RGS3: variants seen among roughly 807,000 people sequenced by gnomAD.
RGS3 encodes the protein regulator of G-protein signalling 3.
A neutral mutation model predicts 132.6 loss-of-function variants in RGS3; 80 were observed. That is an observed-to-expected ratio of 0.60 (90% CI 0.50 to 0.73). The LOEUF is 0.73. Ranked by LOEUF, RGS3 falls within the 30% of genes least tolerant of loss-of-function variation. The probability of loss-of-function intolerance (pLI) is 0.00; values close to 1 mark genes in which losing one functional copy is unlikely to be tolerated. For synonymous variants in RGS3, 598 were observed against 620.6 expected (o/e 0.96, Z 0.54); for missense variants, 1,382 against 1,530.8 (o/e 0.90, Z 1.62).
chr9:113,516,206 T>C (rs1373895317), intron 15 of RGS3, among the ~76,000 whole-genome samples: 1 of 152,210 alleles, frequency 6.6e-6, no homozygotes, highest in African/African-American at 2.4e-5. Flanking sequence ...AGGCACACTT[T>C]GTTAGGATGC....
intron 5 of RGS3, among the ~76,000 whole-genome samples, 182 bp from the exon 4 acceptor site, chr9:113,483,956 T>C (rs1433092456): frequency 2.6e-5 from 4 of 152,124 alleles, no homozygotes; most frequent in Non-Finnish European, 4.4e-5. Flanking sequence ...CTGCCTCCAA[T>C]GTCTCTTGCC....
At chr9:113,586,196 G>T (rs1333468637) in intron 20 of RGS3, among the ~76,000 whole-genome samples, 2 of 152,166 alleles carry the variant, frequency 1.3e-5, no homozygotes, top group Non-Finnish European at 2.9e-5. Flanking sequence ...CCAAGGCAAG[G>T]CCTCAGGCTC....
intron 19 of RGS3, among the ~76,000 whole-genome samples, chr9:113,553,780 T>C (rs1564563087): frequency 6.6e-6 from 1 of 150,922 alleles, no homozygotes; most frequent in Non-Finnish European, 1.5e-5. Flanking sequence ...GAGACGGAGG[T>C]TGCAATGAGC....
At position 113,565,913 on chromosome 9, in the gene RGS3, G is replaced by GTGTGTCTGTC. The variant is rs1381769881; in HGVS notation, c.2038-17534_2038-17533insGTCTGTCTGT. Among the ~76,000 whole-genome samples the GTGTGTCTGTC allele has an allele frequency of 7.4e-4, 107 of 144,504 alleles. 1 individual carries two copies. The highest frequency in any genetic ancestry group is 2.5e-3 in the African/African-American group (98 of 38,544). 94.8% of individuals were successfully genotyped at this position (144,504 alleles called of 152,430 possible). A position where few individuals can be genotyped will look rare whatever the true frequency, so the allele number is the denominator to read the frequency against. ...TGTGTGTGTGTGTGTGTGTGTGTGTGTGTCTGTCTGTCTGTCTGTCTCAGG... is the reference window on the plus strand; with the variant it reads ...TGTGTGTGTGTGTGTGTGTGTGTGTGTGTGTCTGTCTGTCTGTCTGTCTGTCTGTCTCAGG... On this transcript the variant is annotated intron_variant, in intron 19 of 24. Coordinates refer to ENST00000350696, the Ensembl canonical transcript of RGS3. This position sits in a 1 kb window ranked among gnomAD's most constrained non-coding sequence, Gnocchi z 5.7.
intron 3 of RGS3, among the ~76,000 whole-genome samples, chr9:113,462,633 T>C (rs1486421686): frequency 6.6e-6 from 1 of 152,190 alleles, no homozygotes; most frequent in African/African-American, 2.4e-5. Flanking sequence ...AGGTTCAGAT[T>C]TCTTCCTGGT....
chr9:113,534,738 A>G (rs1043333588), intron 18 of RGS3, among the ~76,000 whole-genome samples: 5 of 151,814 alleles, frequency 3.3e-5, no homozygotes, highest in African/African-American at 1.2e-4. Context: ...TATCCTCCCA[A>G]GTAGCTGGGA....
intron 19 of RGS3, among the ~76,000 whole-genome samples, chr9:113,570,959 T>C (rs1337629645): frequency 1.3e-5 from 2 of 152,252 alleles, no homozygotes; most frequent in Non-Finnish European, 2.9e-5. Context: ...CTCTCATCGA[T>C]GAGCGTAGCC....
At chr9:113,465,339 G>A (rs113420099) in intron 3 of RGS3, among the ~76,000 whole-genome samples, 2,060 of 152,196 alleles carry the variant, frequency 0.014, 42 homozygotes, top group African/African-American at 0.047. Context: ...AAAACTTAGT[G>A]AAAAGAAGAA....
chr9:113,454,683 C>CTT (rs772993021), intron 1 of RGS3, among the ~76,000 whole-genome samples: 4,859 of 121,188 alleles, frequency 0.04, 122 homozygotes, highest in South Asian at 0.087. Flanking sequence ...TGCTTTTAAA[C>CTT]TTTTTTTTTT....
At chr9:113,582,685 C>T (rs759696594) in intron 19 of RGS3, 1 of 152,092 alleles carries the variant, frequency 6.6e-6, no homozygotes, top group African/African-American at 2.4e-5. Context: ...AATCTACTGT[C>T]GAAACTCAGC....
exon 25 of RGS3, chr9:113,597,076 G>A (rs1375650219): frequency 1.0e-5 from 8 of 800,864 alleles, no homozygotes; most frequent in African/African-American, 3.5e-5. Flanking sequence ...CTGGACAGAC[G>A]GATAGACATA....
intron 22 of RGS3, 147 bp downstream of exon 20, chr9:113,594,678 C>A: frequency 1.3e-6 from 1 of 747,260 alleles, no homozygotes; most frequent in Non-Finnish European, 2.2e-6. Flanking sequence ...AGCTGGGTAC[C>A]TGGCAAGCAG....
Position 113,517,521 on chromosome 9 carries a change from T to A in RGS3, c.1675-20T>A, listed in dbSNP as rs752678826. On this transcript the variant is annotated intron_variant, in intron 15 of 24. Coordinates refer to ENST00000350696, the Ensembl canonical transcript of RGS3. ...CCCAGCCTCTTTTTGAACTGCCCAC[T>A]CAGCCTGCTTTATTTCCAGCCTCTA... is the stretch of plus-strand genomic sequence containing the variant. 9 of 1,609,778 alleles carry A rather than the reference T, an allele frequency of 5.6e-6. No homozygotes were observed. The Admixed American group carries it at 1.5e-4, about 27-fold the overall frequency.
chr9:113,464,119 C>T (rs1829552587), intron 3 of RGS3, among the ~76,000 whole-genome samples: 2 of 152,268 alleles, frequency 1.3e-5, no homozygotes, highest in Non-Finnish European at 2.9e-5. Flanking sequence ...GCGGTTGGTT[C>T]TGCCTCACTT....
At chr9:113,466,600 A>AT (rs200095525) in intron 3 of RGS3, among the ~76,000 whole-genome samples, 39 of 151,434 alleles carry the variant, frequency 2.6e-4, no homozygotes, top group African/African-American at 7.3e-4. Flanking sequence ...CTCTAGAGGG[A>AT]TTTTTTTTTC....
chr9:113,514,320 G>A lies in RGS3; in HGVS notation c.1478-138G>A, dbSNP rs182186784. ...TGAAGCCTCCCTGTGTTTCAGCATCGTGCGCAGGGCCTGGCACAAAGTAGC... is the reference window on the plus strand; with the variant it reads ...TGAAGCCTCCCTGTGTTTCAGCATCATGCGCAGGGCCTGGCACAAAGTAGC... On this transcript the variant is annotated intron_variant, in intron 14 of 24. Transcript: ENST00000350696. The A allele has an allele frequency of 2.3e-3, 1,725 of 744,974 alleles. 8 individuals carry two copies. The highest frequency in any genetic ancestry group is 7.2e-3 in the South Asian group (396 of 55,300). 46.1% of individuals were successfully genotyped at this position (744,974 alleles called of 1,614,324 possible).
At chr9:113,577,323 GCAAAGTA>G (rs1287696519) in intron 19 of RGS3, among the ~76,000 whole-genome samples, 2 of 152,158 alleles carry the variant, frequency 1.3e-5, no homozygotes, top group African/African-American at 2.4e-5. Context: ...AGAAATTAGT[GCAAAGTA>G]CAGAGAGTTC....
chr9:113,522,978 G>A lies in RGS3; in HGVS notation c.1807G>A (p.Glu603Lys), dbSNP rs772286672. The change falls in exon 17 of 25, where the codon GAG becomes AAG. Residue 603 changes from glutamate to lysine, a missense_variant. Glu to Lys is a moderately conservative substitution (Grantham distance 56, BLOSUM62 1). Coordinates refer to ENST00000350696, the Ensembl canonical transcript of RGS3. ...CCTGCTGCTCTTCACCAAGGAGGACGAGCCTGGCCGCTGCGACGTCCTGAG... is the reference window on the plus strand; with the variant it reads ...CCTGCTGCTCTTCACCAAGGAGGACAAGCCTGGCCGCTGCGACGTCCTGAG... 8.1e-6 allele frequency: 13 copies of A among 1,614,070 alleles called. No homozygotes were observed. In the Middle Eastern group the frequency reaches 6.6e-4, roughly 82 times the overall value.
At chr9:113,491,182 A>G (rs1830509040) in intron 7 of RGS3, among the ~76,000 whole-genome samples, 1 of 146,246 alleles carries the variant, frequency 6.8e-6, no homozygotes. Context: ...ATATTATTAT[A>G]TATTAATTAT....
Sources: gnomAD v4.1 joint callset for allele counts (sites outside exome capture counted in the v4.1 genomes callset) on GRCh38, gnomAD v4.1.1 for gene constraint, Gnocchi (gnomAD v3.1) non-coding constraint, MANE v1.5 for transcripts, NCBI Gene and HGNC (gene_info 2026-07-23, HGNC 2026-07-21) for gene names.